PSD3: variants seen among roughly 807,000 people sequenced by gnomAD.
PSD3 encodes the protein PH and SEC7 domain-containing protein 3.
A neutral mutation model predicts 105.5 loss-of-function variants in PSD3; 49 were observed. The ratio of observed to expected loss-of-function variants is 0.46; its 90% CI spans 0.37 to 0.59. PSD3 has a LOEUF of 0.59. Among genes scored for constraint, PSD3 ranks in the 20% least tolerant of loss-of-function variants. The probability of loss-of-function intolerance (pLI) is 0.00; values close to 1 mark genes in which losing one functional copy is unlikely to be tolerated. For synonymous variants in PSD3, 557 were observed against 457.8 expected, an observed-to-expected ratio of 1.22 and a Z score of -2.77; for missense variants, 1,561 against 1,263.8, an observed-to-expected ratio of 1.24 and a Z score of -3.57.
chr8:19,079,643 G>C (rs1255474261), intron 1 of PSD3, among the ~76,000 whole-genome samples: 2 of 152,104 alleles, frequency 1.3e-5, no homozygotes, highest in African/African-American at 4.8e-5. Context: ...CTCGTAATAG[G>C]GGACTTTATT....
chr8:19,010,886 G>A (rs1315071892), intron 1 of PSD3, among the ~76,000 whole-genome samples: 3 of 151,604 alleles, frequency 2.0e-5, no homozygotes, highest in African/African-American at 7.3e-5. Context: ...GGAAGCCAAG[G>A]ACCTCTGTGC....
chr8:18,978,089 G>A (rs1447460107), intron 1 of PSD3, among the ~76,000 whole-genome samples: 1 of 152,184 alleles, frequency 6.6e-6, no homozygotes, highest in Non-Finnish European at 1.5e-5. Flanking sequence ...GCTCCCACCT[G>A]ACTTTAGGGA....
At chr8:18,579,682 T>A (rs763236305) in intron 12 of PSD3, among the ~76,000 whole-genome samples, 1 of 152,132 alleles carries the variant, frequency 6.6e-6, no homozygotes, top group Non-Finnish European at 1.5e-5. Flanking sequence ...AACATAAACA[T>A]CATCTACATA....
chr8:18,594,197 T>TTATATAATATATATTATTATATAC (rs1803854793), intron 12 of PSD3, among the ~76,000 whole-genome samples: 2 of 20,008 alleles, frequency 1.0e-4, no homozygotes, highest in African/African-American at 1.5e-4. Context: ...ATTATATACA[T>TTATATAATATATATTATTATATAC]ATTATATAAT....
At chr8:18,679,687 C>T (rs1800273109) in intron 9 of PSD3, among the ~76,000 whole-genome samples, 1 of 152,136 alleles carries the variant, frequency 6.6e-6, no homozygotes, top group Non-Finnish European at 1.5e-5. Flanking sequence ...GTGAACATTG[C>T]TACTTAGAAA....
chr8:18,652,515 T>TTTTTG (rs1808583148), intron 10 of PSD3, among the ~76,000 whole-genome samples: 1 of 148,576 alleles, frequency 6.7e-6, no homozygotes. Context: ...TTTTTTTTTT[T>TTTTTG]GAGACCAAGT....
intron 14 of PSD3, among the ~76,000 whole-genome samples, chr8:18,571,961 A>T (rs1451712342): frequency 6.6e-6 from 1 of 152,168 alleles, no homozygotes; most frequent in African/African-American, 2.4e-5. Context: ...GCTTTTAGTA[A>T]GATTAATCTG....
At chr8:18,562,058 G>C (rs770365853) in intron 14 of PSD3, among the ~76,000 whole-genome samples, 3 of 152,216 alleles carry the variant, frequency 2.0e-5, no homozygotes, top group Admixed American at 6.5e-5. Flanking sequence ...CTCCAAGAGG[G>C]AAAGGAGGAA....
intron 9 of PSD3, among the ~76,000 whole-genome samples, chr8:18,706,030 C>T (rs1006163621): frequency 6.6e-6 from 1 of 152,100 alleles, no homozygotes; most frequent in African/African-American, 2.4e-5. Context: ...CAAATAGGGC[C>T]CATGTCCCAT....
chr8:18,853,512 G>A (rs190372562), intron 4 of PSD3, among the ~76,000 whole-genome samples: 9 of 152,064 alleles, frequency 5.9e-5, no homozygotes, highest in African/African-American at 1.7e-4. Flanking sequence ...GAAAGAAACC[G>A]TGAGGCTGAA....
Position 18,671,838 on chromosome 8 carries a change from A to G in PSD3, c.2173-16153T>C, listed in dbSNP as rs572058197. Among the ~76,000 whole-genome samples the G allele has an allele frequency of 1.8e-3, 280 of 152,132 alleles. 3 individuals are homozygous for G. The highest frequency in any genetic ancestry group is 6.0e-3 in the African/African-American group (248 of 41,504). On this transcript the variant is annotated intron_variant, in intron 9 of 15. Transcript: ENST00000327040. Reference sequence around the variant, plus strand: ...AGTAGAGATGGGGTTTCACCGTGTTAGCCAGAATGGTCTCGATCTCCTGAC... The same window carrying G: ...AGTAGAGATGGGGTTTCACCGTGTTGGCCAGAATGGTCTCGATCTCCTGAC...
intron 2 of PSD3, among the ~76,000 whole-genome samples, chr8:18,923,392 C>T (rs1006551728): frequency 1.3e-5 from 2 of 152,108 alleles, no homozygotes; most frequent in African/African-American, 4.8e-5. Context: ...AAAGACATAC[C>T]ACTTTGAAAA....
chr8:18,574,011 T>A (rs1585277632), intron 13 of PSD3, among the ~76,000 whole-genome samples: 1 of 152,218 alleles, frequency 6.6e-6, no homozygotes, highest in East Asian at 1.9e-4. Flanking sequence ...TCTGATGTGA[T>A]CATATTTTTA....
chr8:18,565,695 T>C (rs185205407), intron 14 of PSD3, among the ~76,000 whole-genome samples: 30 of 152,252 alleles, frequency 2.0e-4, no homozygotes, highest in Admixed American at 1.8e-3. Flanking sequence ...ATCCAAAAAA[T>C]TGTGGCATTT....
intron 2 of PSD3, among the ~76,000 whole-genome samples, chr8:18,915,835 C>T (rs1224583851): frequency 1.3e-5 from 2 of 152,140 alleles, no homozygotes; most frequent in Admixed American, 1.3e-4. Flanking sequence ...TGGATCACGC[C>T]TCTAATCCCA....
intron 4 of PSD3, among the ~76,000 whole-genome samples, chr8:18,825,949 G>GT (rs1218419432): frequency 2.6e-5 from 4 of 152,182 alleles, no homozygotes; most frequent in Non-Finnish European, 1.5e-5. Flanking sequence ...GTTAAACATT[G>GT]TTTCTGGGTG....
At chr8:18,961,165 A>G (rs927131819) in intron 1 of PSD3, among the ~76,000 whole-genome samples, 4 of 152,190 alleles carry the variant, frequency 2.6e-5, no homozygotes, top group African/African-American at 9.6e-5. Flanking sequence ...CTCTACTGAA[A>G]AACAGAGACA....
At chr8:18,956,404 G>A (rs562834051) in intron 1 of PSD3, among the ~76,000 whole-genome samples, 50 of 152,254 alleles carry the variant, frequency 3.3e-4, no homozygotes, top group Non-Finnish European at 5.9e-4. Flanking sequence ...GATGCTGCTG[G>A]TCCATGAACT....
At chr8:18,617,447 C>T (rs1476241617) in intron 11 of PSD3, among the ~76,000 whole-genome samples, 3 of 152,124 alleles carry the variant, frequency 2.0e-5, no homozygotes. Context: ...AGGTGAATCG[C>T]TTGAACTTGG....
Sources: allele counts gnomAD v4.1 joint callset (sites outside exome capture counted in the v4.1 genomes callset), GRCh38; gene constraint gnomAD v4.1.1; transcripts MANE v1.5; gene names NCBI Gene and HGNC (gene_info 2026-07-23, HGNC 2026-07-21).